DEPDC5: variants seen among roughly 807,000 people sequenced by gnomAD.
DEPDC5 encodes the protein GATOR1 complex protein DEPDC5.
DEPDC5 carries 73 observed loss-of-function variants against 217.3 expected under a neutral mutation model. The ratio of observed to expected loss-of-function variants is 0.34; its 90% confidence interval spans 0.28 to 0.41. The LOEUF (loss-of-function observed/expected upper bound fraction) is 0.41. DEPDC5 is among the 10% of genes least tolerant of loss of function. The pLI is 1.00. For synonymous variants in DEPDC5, 733 were observed against 756.7 expected, an observed-to-expected ratio of 0.97 and a Z score of 0.51; for missense variants, 1,675 against 2,070.1, an observed-to-expected ratio of 0.81 and a Z score of 3.70.
At chr22:31,829,801 C>G (rs527939860) in intron 24 of DEPDC5, among the ~76,000 whole-genome samples, 3 of 152,176 alleles carry the variant, frequency 2.0e-5, no homozygotes, top group Non-Finnish European at 4.4e-5. Context: ...CCAGCAGAGA[C>G]AGGGCAGTTG....
In DEPDC5 at chr22:31,806,179, G is replaced by A; in HGVS notation, c.1275G>A (p.Leu425=). 6.2e-7 allele frequency: 1 copy of A among 1,613,922 alleles called. No homozygotes were observed. Among genetic ancestry groups the A allele is most frequent in the Non-Finnish European group, 8.5e-7 (1 of 1,179,922 alleles). Residue 425 remains leucine, a synonymous_variant, in exon 18 of 43, where the codon CTG becomes CTA. Transcript: ENST00000651528. ...FCNSFTPRIK[L]AGKKPASEKA... is the part of the protein sequence containing the mutation. The stretch of plus-strand genomic sequence containing the variant: ...ATAGTTTCACCCCACGAATAAAACT[G>A]GCAGGAAAGAAGGTAGGTTTTTATT...
chr22:31,870,632 A>T lies in DEPDC5; in HGVS notation c.3373A>T (p.Ser1125Cys), dbSNP rs1233347696. 1 of 1,595,612 alleles carries T rather than the reference A, an allele frequency of 6.3e-7. No homozygotes were observed. Among genetic ancestry groups the T allele is most frequent in the Non-Finnish European group, 8.5e-7 (1 of 1,172,354 alleles). Residue 1125 changes from serine (S) to cysteine (C), a missense_variant, in exon 34 of 43, where the codon AGT becomes TGT. Coordinates refer to ENST00000651528, the MANE Select transcript of DEPDC5 (RefSeq NM_001242896.3). ...QTATPMLDGTSLGICTGQSMD... is the reference protein window; with the variant it reads ...QTATPMLDGTCLGICTGQSMD... ...AGCCACTCCTATGTTGGACGGCACC[A>T]GTTTGGGCATATGCACAGGCCAATC...
At chr22:31,842,883 C>G (rs1163816173) in intron 27 of DEPDC5, among the ~76,000 whole-genome samples, 3 of 152,160 alleles carry the variant, frequency 2.0e-5, no homozygotes, top group African/African-American at 7.2e-5. Flanking sequence ...CCTTCAGGCT[C>G]TAATCTGCTC....
intron 24 of DEPDC5, among the ~76,000 whole-genome samples, chr22:31,831,701 T>TC (rs1428921952): frequency 1.3e-5 from 2 of 152,106 alleles, no homozygotes; most frequent in Admixed American, 6.6e-5. Context: ...CCTTCAGTGA[T>TC]CCCCCCGCCT....
intron 20 of DEPDC5, among the ~76,000 whole-genome samples, chr22:31,811,108 C>T (rs996828946): frequency 4.0e-5 from 6 of 150,478 alleles, no homozygotes; most frequent in Non-Finnish European, 7.4e-5. Flanking sequence ...CTCACTCTGT[C>T]ACCCAGGCTG....
Position 31,815,102 on chromosome 22 carries a change from A to G in DEPDC5, c.1556A>G (p.Gln519Arg). The part of the protein sequence containing the change: ...RTLPTEEVRS[Q>R]ASDDSSLGKS... Reference sequence around the variant, plus strand: ...CTGCCCACTGAGGAAGTGAGGAGCCAGGCTTCTGACGACAGCTCCCTAGGC... The same window carrying G: ...CTGCCCACTGAGGAAGTGAGGAGCCGGGCTTCTGACGACAGCTCCCTAGGC... Residue 519 changes from glutamine (Q) to arginine (R), a missense_variant, in exon 21 of 43, where the codon CAG becomes CGG. By Grantham distance (43) the Gln-to-Arg change is conservative. Around this residue, in one of 11 missense-constraint regions of DEPDC5, gnomAD observed 628 missense variants for 762.1 expected, o/e 0.82. Transcript: ENST00000651528. 2 of 1,614,230 alleles carry G rather than the reference A, an allele frequency of 1.2e-6. No homozygotes were observed. Among genetic ancestry groups the G allele is most frequent in the Non-Finnish European group, 1.7e-6 (2 of 1,180,038 alleles).
At position 31,804,139 on chromosome 22, in the gene DEPDC5, C is replaced by A. The variant is rs752392334; in HGVS notation, c.1082-23C>A. The stretch of plus-strand genomic sequence containing the variant: ...TCTCTGCCATTCCCTCCCCACAATT[C>A]TTTTTGTCTTTTCTTTTTTTAGGAA... On this transcript the variant is annotated intron_variant, in intron 15 of 42. Coordinates refer to ENST00000651528, the MANE Select transcript of DEPDC5 (RefSeq NM_001242896.3). The A allele has an allele frequency of 6.2e-6, 10 of 1,613,342 alleles. No individual in the cohort carries two copies. In the South Asian group the frequency reaches 8.8e-5, roughly 14 times the overall value.
chr22:31,873,052 G>T (rs1165742470), intron 34 of DEPDC5: 18 of 1,017,262 alleles, frequency 1.8e-5, no homozygotes, highest in South Asian at 3.4e-5. Context: ...ACCAAACCCG[G>T]CCCTAAATGT....
chr22:31,815,144 T>C lies in DEPDC5; in HGVS notation c.1598T>C (p.Leu533Pro). 2 of 1,614,126 alleles carry C rather than the reference T, an allele frequency of 1.2e-6. No homozygotes were observed. The highest frequency in any genetic ancestry group is 1.3e-5 in the African/African-American group (1 of 75,018). ...TCCCTAGGCAAGAGTGCCAACATCC[T>C]GATGATCCCACACCCCCACCTGCAC... ...DSSLGKSANI[L>P]MIPHPHLHQY... The change falls in exon 21 of 43, where the codon CTG (leucine) becomes CCG (proline). Residue 533 changes from leucine (L) to proline (P), a missense_variant. Transcript: ENST00000651528.
intron 21 of DEPDC5, chr22:31,815,695 T>G (rs1353043954): frequency 6.3e-6 from 4 of 632,614 alleles, no homozygotes; most frequent in South Asian, 2.9e-5. Flanking sequence ...CACACCCAGC[T>G]GATTATCATA....
At position 31,878,705 on chromosome 22, in the gene DEPDC5, C is replaced by T. The variant is rs116960779; in HGVS notation, c.3806-820C>T. On this transcript the variant is annotated intron_variant, in intron 37 of 42. Transcript: ENST00000651528. ...TGAAGACTTGGCAAAGCTGTGCAGACCCTGTCTCTAAGAGAAAAAAAGAAA... is the reference window on the plus strand; with the variant it reads ...TGAAGACTTGGCAAAGCTGTGCAGATCCTGTCTCTAAGAGAAAAAAAGAAA... 4.0e-4 allele frequency among the ~76,000 whole-genome samples: 61 copies of T among 152,020 alleles called. No individual in the cohort carries two copies. In the East Asian group the frequency reaches 0.011, roughly 27 times the overall value.
chr22:31,892,975 G>A (rs1357119087), intron 38 of DEPDC5, among the ~76,000 whole-genome samples: 2 of 149,834 alleles, frequency 1.3e-5, no homozygotes, highest in Non-Finnish European at 3.0e-5. Flanking sequence ...TCCCAGGTTC[G>A]AGCGATTCTC....
chr22:31,877,312 C>T (rs2093021757), intron 37 of DEPDC5, among the ~76,000 whole-genome samples: 2 of 141,164 alleles, frequency 1.4e-5, no homozygotes, highest in South Asian at 4.7e-4. Flanking sequence ...CGGCAGGCAC[C>T]TGTAATCCCA....
At chr22:31,809,986 A>G (rs1200676047) in intron 19 of DEPDC5, among the ~76,000 whole-genome samples, 5 of 152,208 alleles carry the variant, frequency 3.3e-5, no homozygotes, top group African/African-American at 1.2e-4. Context: ...TGTCTCAAAA[A>G]AAAAGAGCAT....
rs540471738 is a variant in DEPDC5, at chr22:31,906,449, C to T, written c.4764C>T (p.Val1588=). 12 of 1,614,012 alleles carry T rather than the reference C, an allele frequency of 7.4e-6. No individual in the cohort carries two copies. The East Asian group carries it at 2.5e-4, about 33-fold the overall frequency. The part of the protein sequence containing the change: ...DFCINRDNRL[V]TFWTSCLEKM... ...GCATCAACCGTGACAACCGGCTGGTCACGTTCTGGACAAGTTGCCTGGAGA... is the reference window on the plus strand; with the variant it reads ...GCATCAACCGTGACAACCGGCTGGTTACGTTCTGGACAAGTTGCCTGGAGA... Residue 1588 remains valine (V), a synonymous_variant, in exon 43 of 43, where the codon GTC becomes GTT. Transcript: ENST00000651528. The surrounding 1 kb of genome is among the most constrained non-coding windows in gnomAD (Gnocchi z 5.1).
intron 22 of DEPDC5, 33 bp downstream of exon 22, chr22:31,819,258 T>A: frequency 1.2e-6 from 2 of 1,609,688 alleles, no homozygotes; most frequent in Non-Finnish European, 1.7e-6. Context: ...AGCCTTGGAC[T>A]AGGAGCTCCT....
chr22:31,834,068 A>G (rs749501103), intron 25 of DEPDC5, 88 bp downstream of exon 25: 1 of 1,332,524 alleles, frequency 7.5e-7, no homozygotes, highest in Non-Finnish European at 1.1e-6. Context: ...GCCCTGTGGG[A>G]AGTGAGTGGT....
chr22:31,851,066 CAAA>C (rs136861), intron 31 of DEPDC5, among the ~76,000 whole-genome samples: 14 of 115,252 alleles, frequency 1.2e-4, no homozygotes, highest in Admixed American at 4.5e-4. Flanking sequence ...GACTCCGTCT[CAAA>C]AAAAAAAAAA....
At chr22:31,758,418 C>A in intron 2 of DEPDC5, 128 bp from the exon 3 acceptor site, 1 of 776,778 alleles carries the variant, frequency 1.3e-6, no homozygotes. Context: ...AGCCTCGTTT[C>A]AAAATAGAAC....
Sources: gnomAD v4.1 joint callset for allele counts (sites outside exome capture counted in the v4.1 genomes callset) on GRCh38, gnomAD v4.1.1 for gene constraint, gnomAD v4.1.1 regional missense constraint, Gnocchi (gnomAD v3.1) non-coding constraint, MANE v1.5 for transcripts, NCBI Gene and HGNC (gene_info 2026-07-23, HGNC 2026-07-21) for gene names.